Variants in FOXO1 observed in about 807,000 individuals in gnomAD.
FOXO1 encodes the protein forkhead box protein O1.
Under a neutral mutation model 44.1 loss-of-function variants are expected in FOXO1, and 6 were observed. The ratio of observed to expected loss-of-function variants is 0.14; its 90% confidence interval spans 0.07 to 0.27. The LOEUF (loss-of-function observed/expected upper bound fraction) is 0.27. Among genes scored for constraint, FOXO1 ranks in the 10% least tolerant of loss-of-function variants. FOXO1 has a pLI of 1.00. For synonymous variants in FOXO1, 380 were observed against 362.7 expected, an observed-to-expected ratio of 1.05 and a Z score of -0.54; for missense variants, 737 against 888.8, an observed-to-expected ratio of 0.83 and a Z score of 2.17.
Position 40,560,327 on chromosome 13 carries a change from A to C in FOXO1, c.1164T>G (p.Thr388=). Reference sequence around the variant, plus strand: ...TGCCAGGTGAGGACTGGGTCGAAACAGTTAATGATGTTGGTGATGAGAGAA... The same window carrying C: ...TGCCAGGTGAGGACTGGGTCGAAACCGTTAATGATGTTGGTGATGAGAGAA... ...LNLLSSPTSL[T]VSTQSSPGTM... The change falls in exon 2 of 3, where the codon ACT becomes ACG. Residue 388 remains threonine, a synonymous_variant. Transcript: ENST00000379561. This position sits in a 1 kb window ranked among gnomAD's most constrained non-coding sequence, Gnocchi z 5.1. 6.2e-7 allele frequency: 1 copy of C among 1,614,196 alleles called. No homozygotes were observed. Among genetic ancestry groups the C allele is most frequent in the Non-Finnish European group, 8.5e-7 (1 of 1,180,040 alleles).
chr13:40,573,650 C>T (rs887576623), intron 1 of FOXO1, among the ~76,000 whole-genome samples: 4 of 152,116 alleles, frequency 2.6e-5, no homozygotes, highest in African/African-American at 4.8e-5. Context: ...TGTTGTCATA[C>T]GTTAAGACAA....
At chr13:40,568,700 C>T (rs891620893) in intron 1 of FOXO1, among the ~76,000 whole-genome samples, 1 of 152,114 alleles carries the variant, frequency 6.6e-6, no homozygotes, top group Non-Finnish European at 1.5e-5. Context: ...GTTCATTTCC[C>T]AGAATCGTTT....
chr13:40,652,188 G>T (rs1048001628), intron 1 of FOXO1, among the ~76,000 whole-genome samples: 3 of 151,978 alleles, frequency 2.0e-5, no homozygotes, highest in African/African-American at 7.3e-5. Flanking sequence ...AACAGATGAG[G>T]TAACTGTAAT....
chr13:40,611,241 C>T (rs1263374324), intron 1 of FOXO1: 7 of 311,142 alleles, frequency 2.2e-5, no homozygotes, highest in African/African-American at 1.3e-4. Context: ...ATTTATGACA[C>T]CATGTCAGAA....
chr13:40,602,684 G>A (rs1024054054), intron 1 of FOXO1, among the ~76,000 whole-genome samples: 2 of 152,102 alleles, frequency 1.3e-5, no homozygotes, highest in Non-Finnish European at 2.9e-5. Flanking sequence ...CCAACACAAT[G>A]CATTCTATCT....
chr13:40,639,907 A>G (rs1877292881), intron 1 of FOXO1, among the ~76,000 whole-genome samples: 1 of 152,264 alleles, frequency 6.6e-6, no homozygotes, highest in Non-Finnish European at 1.5e-5. Context: ...CTTATGTGGC[A>G]AACCCAATCC....
intron 1 of FOXO1, among the ~76,000 whole-genome samples, chr13:40,651,395 G>C (rs892567466): frequency 6.6e-5 from 10 of 152,128 alleles, no homozygotes; most frequent in Non-Finnish European, 1.2e-4. Flanking sequence ...ACAGAGCACA[G>C]AGGTCACAGC....
chr13:40,560,972 A>G lies in FOXO1; in HGVS notation c.631-112T>C, dbSNP rs147086223. Reference sequence around the variant, plus strand: ...AAAAAATCTTAAGAGTGTGTGCTACAGATTTCCATCTGAACAGTCCTAATG... The same window carrying G: ...AAAAAATCTTAAGAGTGTGTGCTACGGATTTCCATCTGAACAGTCCTAATG... On this transcript the variant is annotated intron_variant, in intron 1 of 2. Transcript: ENST00000379561. The surrounding 1 kb of genome is among the most constrained non-coding windows in gnomAD (Gnocchi z 5.1). The G allele has an allele frequency of 7.8e-3, 8,395 of 1,073,092 alleles. 54 individuals carry two copies. Among genetic ancestry groups the G allele is most frequent in the Non-Finnish European group, 0.01 (7,690 of 759,712 alleles). 66.5% of individuals were successfully genotyped at this position (1,073,092 alleles called of 1,614,324 possible).
chr13:40,584,783 A>G (rs1292930613), intron 1 of FOXO1, among the ~76,000 whole-genome samples: 1 of 152,232 alleles, frequency 6.6e-6, no homozygotes, highest in Non-Finnish European at 1.5e-5. Context: ...CGAATAAGCG[A>G]GTAGTTATCC....
intron 1 of FOXO1, among the ~76,000 whole-genome samples, chr13:40,630,010 C>T (rs1458265659): frequency 6.6e-6 from 1 of 152,178 alleles, no homozygotes; most frequent in African/African-American, 2.4e-5. Context: ...AACTACATTA[C>T]ATCTAACATT....
chr13:40,562,593 A>G (rs1476281378), intron 1 of FOXO1: 1 of 152,240 alleles, frequency 6.6e-6, no homozygotes, highest in Non-Finnish European at 1.5e-5. Context: ...TTAGACCCCA[A>G]CTTAGAATAG....
chr13:40,654,711 A>G (rs553072063), intron 1 of FOXO1, among the ~76,000 whole-genome samples: 38 of 152,282 alleles, frequency 2.5e-4, no homozygotes, highest in African/African-American at 7.2e-4. Context: ...CTTACTGGAG[A>G]TAACAGCACT....
At chr13:40,606,406 T>A (rs1052764589) in intron 1 of FOXO1, among the ~76,000 whole-genome samples, 2 of 152,160 alleles carry the variant, frequency 1.3e-5, no homozygotes, top group African/African-American at 2.4e-5. Flanking sequence ...GCCTCCTAGA[T>A]TCAAGTGATT....
chr13:40,593,392 T>C (rs1366903768), intron 1 of FOXO1, among the ~76,000 whole-genome samples: 3 of 152,152 alleles, frequency 2.0e-5, no homozygotes, highest in African/African-American at 7.2e-5. Context: ...GTATTGAACC[T>C]CACATCATCC....
At chr13:40,611,272 A>C (rs1021981793) in intron 1 of FOXO1, 41 of 312,272 alleles carry the variant, frequency 1.3e-4, no homozygotes, top group African/African-American at 8.9e-4. Flanking sequence ...TTTGTTACCC[A>C]AAACTGTGCT....
In FOXO1 at chr13:40,560,481, T is replaced by G. The variant is rs776281707; in HGVS notation, c.1010A>C (p.Asp337Ala). 1.2e-6 allele frequency: 2 copies of G among 1,614,026 alleles called. No individual in the cohort carries two copies. Among genetic ancestry groups the G allele is most frequent in the Non-Finnish European group, 1.7e-6 (2 of 1,180,022 alleles). The stretch of plus-strand genomic sequence containing the variant: ...AGAATGCACATCCCCTTCTCCAAGA[T>G]CATCCTGTTCGGTCATAATGGGTGA... ...RLSPIMTEQD[D>A]LGEGDVHSMV... Residue 337 changes from aspartate to alanine, a missense_variant, in exon 2 of 3, where the codon GAT becomes GCT. Around this residue, in one of 7 missense-constraint regions of FOXO1, gnomAD observed 136 missense variants for 186.4 expected, o/e 0.73. Coordinates refer to ENST00000379561, the MANE Select transcript of FOXO1 (RefSeq NM_002015.4). The surrounding 1 kb of genome is among the most constrained non-coding windows in gnomAD (Gnocchi z 5.1).
At chr13:40,585,343 GCACACACACACACA>G (rs1555248752) in intron 1 of FOXO1, among the ~76,000 whole-genome samples, 2 of 147,020 alleles carry the variant, frequency 1.4e-5, no homozygotes, top group Non-Finnish European at 1.5e-5. Context: ...CTGCGCGCGC[GCACACACACACACA>G]CACACACACA....
chr13:40,641,581 T>C (rs1877355880), intron 1 of FOXO1, among the ~76,000 whole-genome samples: 3 of 152,222 alleles, frequency 2.0e-5, no homozygotes, highest in African/African-American at 4.8e-5. Context: ...TTTACTTTAG[T>C]ATTTCCAGTT....
chr13:40,645,605 G>A (rs1877483813), intron 1 of FOXO1, among the ~76,000 whole-genome samples: 2 of 152,112 alleles, frequency 1.3e-5, no homozygotes, highest in Admixed American at 6.6e-5. Flanking sequence ...AACCAGCAAT[G>A]ACCTTTAAAG....
Sources: gnomAD v4.1 joint callset for allele counts (sites outside exome capture counted in the v4.1 genomes callset) on GRCh38, gnomAD v4.1.1 for gene constraint, gnomAD v4.1.1 regional missense constraint, Gnocchi (gnomAD v3.1) non-coding constraint, MANE v1.5 for transcripts, NCBI Gene and HGNC (gene_info 2026-07-23, HGNC 2026-07-21) for gene names.